Variants in CEP89 observed in about 807,000 individuals in gnomAD.
CEP89 encodes centrosomal protein 89.
Under a neutral mutation model 97.6 loss-of-function variants are expected in CEP89, and 95 were observed. That is an observed-to-expected ratio of 0.97 (90% confidence interval 0.82 to 1.15). The LOEUF (loss-of-function observed/expected upper bound fraction) is 1.15, where lower values mean the gene tolerates loss of function less well. Among genes scored for constraint, CEP89 ranks in the 50% most tolerant of loss-of-function variants. The probability of loss-of-function intolerance (pLI) is 0.00; values close to 1 mark genes in which losing one functional copy is unlikely to be tolerated. For synonymous variants in CEP89, 354 were observed against 349.1 expected, an observed-to-expected ratio of 1.01 and a Z score of -0.16; for missense variants, 869 against 947.7, an observed-to-expected ratio of 0.92 and a Z score of 1.09.
At chr19:32,947,825 G>A (rs1050244864) in intron 5 of CEP89, among the ~76,000 whole-genome samples, 2 of 151,834 alleles carry the variant, frequency 1.3e-5, no homozygotes, top group Non-Finnish European at 2.9e-5. Flanking sequence ...TCTTGAGACA[G>A]GGTCTCATTC....
At position 32,953,692 on chromosome 19, in the gene CEP89, C is replaced by A; in HGVS notation, c.415G>T (p.Glu139Ter). Residue 139 changes from glutamate to a stop codon, truncating the protein, a stop_gained, in exon 4 of 19, where the codon GAA (glutamate) becomes TAA (stop). Transcript: ENST00000305768. LOFTEE classifies it high-confidence loss of function. ...TCCCGGGCACTGACATCCCCCAATT[C>A]CTTGCCGCTGGATGACAGCTGAGTT... ...IETQLSSSGKELGDVSAREDR... is the reference protein window; with the variant it reads ...IETQLSSSGK 6.2e-7 allele frequency: 1 copy of A among 1,614,072 alleles called. No individual in the cohort carries two copies. The highest frequency in any genetic ancestry group is 1.1e-5 in the South Asian group (1 of 91,090).
chr19:32,915,631 A>G, intron 13 of CEP89, 114 bp from the exon 14 acceptor site: 1 of 1,017,364 alleles, frequency 9.8e-7, no homozygotes, highest in African/African-American at 1.7e-5. Flanking sequence ...CCTTTTAAAG[A>G]TCTTTTGAGC....
intron 9 of CEP89, 35 bp downstream of exon 9, chr19:32,931,394 T>C: frequency 6.5e-7 from 1 of 1,541,074 alleles, no homozygotes. Context: ...GGCTTAAAAA[T>C]CTGAAAAGCT....
At chr19:32,956,205 G>A (rs1021196316) in intron 3 of CEP89, among the ~76,000 whole-genome samples, 7 of 150,580 alleles carry the variant, frequency 4.6e-5, no homozygotes, top group Non-Finnish European at 7.4e-5. Flanking sequence ...ACAGGCGCCC[G>A]CCACCACGCC....
rs1038058129 is a variant in CEP89 at position 32,878,902 on chromosome 19, C to T, written c.*260G>A. Reference sequence around the variant, plus strand: ...AGGATCTCAAACATGTTTGAGGCTGCCGTGAGCTATGATTGCACCACTGTA... The same window carrying T: ...AGGATCTCAAACATGTTTGAGGCTGTCGTGAGCTATGATTGCACCACTGTA... On this transcript the variant is annotated 3_prime_UTR_variant, in exon 19 of 19. Coordinates refer to ENST00000305768, the MANE Select transcript of CEP89 (RefSeq NM_032816.5). 11 of 342,820 alleles carry T rather than the reference C, an allele frequency of 3.2e-5. No individual in the cohort carries two copies. In the South Asian group the frequency reaches 5.4e-4, roughly 17 times the overall value. The allele number at this position is 342,820 out of a possible 1,614,324, so 21.2% of individuals were successfully genotyped here.
chr19:32,915,300 GAA>G (rs372853413), intron 14 of CEP89, 35 bp downstream of exon 14: 2,568 of 1,205,280 alleles, frequency 2.1e-3, no homozygotes, highest in Admixed American at 3.5e-3. Context: ...CTCGAAAAAA[GAA>G]AAAAAAAAAA....
At chr19:32,965,012 C>T (rs1971251484) in intron 2 of CEP89, among the ~76,000 whole-genome samples, 1 of 152,176 alleles carries the variant, frequency 6.6e-6, no homozygotes, top group Admixed American at 6.6e-5. Context: ...CTCAAGTGAT[C>T]TTCCAGCCTT....
In CEP89 at chr19:32,878,997, G is replaced by T; in HGVS notation, c.*165C>A. ...AAAAAATTAAAAAATAAAGCAAAAT[G>T]TTATCAATGGATTAAACTATGAGAC... On this transcript the variant is annotated 3_prime_UTR_variant, in exon 19 of 19. Coordinates refer to ENST00000305768, the MANE Select transcript of CEP89 (RefSeq NM_032816.5). The T allele has an allele frequency of 8.3e-6, 4 of 479,496 alleles. No homozygotes were observed. The highest frequency in any genetic ancestry group is 1.5e-5 in the Non-Finnish European group (4 of 275,726). 29.7% of individuals were successfully genotyped at this position (479,496 alleles called of 1,614,324 possible). A position where few individuals can be genotyped will look rare whatever the true frequency, so the allele number is the denominator to read the frequency against.
At chr19:32,899,334 A>G (rs1369052041) in intron 16 of CEP89, among the ~76,000 whole-genome samples, 1 of 151,920 alleles carries the variant, frequency 6.6e-6, no homozygotes, top group African/African-American at 2.4e-5. Context: ...GGTTCTCACT[A>G]TGTTACCCAG....
At chr19:32,942,952 C>T (rs902096819) in intron 5 of CEP89, among the ~76,000 whole-genome samples, 11 of 151,338 alleles carry the variant, frequency 7.3e-5, no homozygotes, top group Non-Finnish European at 1.6e-4. Flanking sequence ...CTCAAGCGAT[C>T]TTCCTGCCTC....
chr19:32,948,014 C>T (rs1023870924), intron 5 of CEP89, among the ~76,000 whole-genome samples: 1 of 152,052 alleles, frequency 6.6e-6, no homozygotes, highest in African/African-American at 2.4e-5. Flanking sequence ...CCTGTGTTGC[C>T]CAGGCTGCTT....
chr19:32,900,688 C>T (rs915743414), intron 15 of CEP89, among the ~76,000 whole-genome samples: 8 of 152,142 alleles, frequency 5.3e-5, no homozygotes, highest in African/African-American at 1.9e-4. Flanking sequence ...GCTCCTAGAA[C>T]TTTGAATCTT....
At chr19:32,931,716 G>A (rs1970478138) in intron 8 of CEP89, 145 bp from the exon 9 acceptor site, 4 of 552,424 alleles carry the variant, frequency 7.2e-6, no homozygotes, top group African/African-American at 4.0e-5. Context: ...GTGTGTGTAT[G>A]TGTGTCTGTG....
intron 4 of CEP89, among the ~76,000 whole-genome samples, chr19:32,951,302 A>G (rs975314394): frequency 3.9e-5 from 6 of 152,118 alleles, no homozygotes; most frequent in Non-Finnish European, 5.9e-5. Flanking sequence ...CCTGGCCAAC[A>G]TGATGAAACC....
chr19:32,971,436 T>C (rs1313608408), intron 1 of CEP89: 3 of 457,408 alleles, frequency 6.6e-6, no homozygotes, highest in South Asian at 5.2e-5. Context: ...ACCAACACTT[T>C]AGGAGGCTAA....
In CEP89 at chr19:32,936,605, G is replaced by T. The variant is rs1354643366; in HGVS notation, c.667+1026C>A. Among the ~76,000 whole-genome samples, 1 of 152,134 alleles carries T rather than the reference G, an allele frequency of 6.6e-6. No individual in the cohort carries two copies. The highest frequency in any genetic ancestry group is 1.5e-5 in the Non-Finnish European group (1 of 67,998). ...CGGTGCGCACTTCCTCCCTTCTGAG[G>T]CCCATAAAAGCCCTGGGCTTAGTTG... On this transcript the variant is annotated intron_variant, in intron 7 of 18. Coordinates refer to ENST00000305768, the MANE Select transcript of CEP89 (RefSeq NM_032816.5). The surrounding 1 kb of genome is among the most constrained non-coding windows in gnomAD (Gnocchi z 4.5).
In CEP89 at chr19:32,939,889, A is replaced by T; in HGVS notation, c.596-4T>A. On this transcript the variant is annotated splice_region_variant and splice_polypyrimidine_tract_variant and intron_variant, in intron 5 of 18. Transcript: ENST00000305768. ...TTCAGAACAGGGTGTTTACCATCTG[A>T]TGAAGAAAAAGAGAGAGAGATAAAC... 1 of 1,269,696 alleles carries T rather than the reference A, an allele frequency of 7.9e-7. No homozygotes were observed. Among genetic ancestry groups the T allele is most frequent in the Non-Finnish European group, 1.1e-6 (1 of 889,914 alleles). 78.7% of individuals were successfully genotyped at this position (1,269,696 alleles called of 1,614,324 possible). A position where few individuals can be genotyped will look rare whatever the true frequency, so the allele number is the denominator to read the frequency against.
intron 9 of CEP89, 29 bp from the exon 10 acceptor site, chr19:32,927,013 G>A (rs1970372516): frequency 2.5e-6 from 4 of 1,584,666 alleles, no homozygotes; most frequent in Non-Finnish European, 2.6e-6. Flanking sequence ...TTGAAGACAA[G>A]TTAAACCACA....
intron 4 of CEP89, among the ~76,000 whole-genome samples, chr19:32,951,534 T>TATATATATATATATATATACACAC (rs1407110112): frequency 1.6e-4 from 19 of 122,018 alleles, no homozygotes; most frequent in African/African-American, 6.2e-4. Flanking sequence ...TATATATATA[T>TATATATATATATATATATACACAC]ACACACACAC....
Sources: allele counts gnomAD v4.1 joint callset (sites outside exome capture counted in the v4.1 genomes callset), GRCh38; gene constraint gnomAD v4.1.1; non-coding constraint Gnocchi (gnomAD v3.1); transcripts MANE v1.5; gene names NCBI Gene and HGNC (gene_info 2026-07-23, HGNC 2026-07-21).